Variants in ATRNL1 observed in about 807,000 individuals in gnomAD.
ATRNL1 encodes the protein attractin-like protein 1.
ATRNL1 carries 95 observed loss-of-function variants against 182.7 expected under a neutral mutation model. That is an observed-to-expected ratio of 0.52 (90% CI 0.44 to 0.62). The LOEUF is 0.62. Ranked by LOEUF, ATRNL1 falls within the 20% of genes least tolerant of loss-of-function variation. The pLI is 0.00. For synonymous variants in ATRNL1, 576 were observed against 568.3 expected, an observed-to-expected ratio of 1.01 and a Z score of -0.19; for missense variants, 1,471 against 1,679.5, an observed-to-expected ratio of 0.88 and a Z score of 2.17.
intron 1 of ATRNL1, 84 bp downstream of exon 1, chr10:115,094,127 GC>G (rs2084950153): frequency 4.9e-6 from 6 of 1,233,020 alleles, no homozygotes; most frequent in Non-Finnish European, 6.2e-6. Flanking sequence ...GGCCTCCCCC[GC>G]CCCCGTCGCT....
At chr10:115,526,159 C>T (rs960792671) in intron 25 of ATRNL1, among the ~76,000 whole-genome samples, 1 of 152,136 alleles carries the variant, frequency 6.6e-6, no homozygotes, top group Non-Finnish European at 1.5e-5. Context: ...TTCATATATT[C>T]CTATTCCATA....
chr10:115,826,202 A>T (rs1240171058), intron 27 of ATRNL1, among the ~76,000 whole-genome samples: 1 of 151,284 alleles, frequency 6.6e-6, no homozygotes, highest in Non-Finnish European at 1.5e-5. Context: ...ATACTATCCC[A>T]TTTTTTTTTC....
intron 26 of ATRNL1, among the ~76,000 whole-genome samples, chr10:115,676,232 G>A (rs949816577): frequency 3.3e-5 from 5 of 151,924 alleles, no homozygotes; most frequent in African/African-American, 1.2e-4. Context: ...ACTAAAGAAA[G>A]CAAGTTTCTC....
At chr10:115,623,804 C>CA (rs1255437500) in intron 26 of ATRNL1, among the ~76,000 whole-genome samples, 1 of 151,804 alleles carries the variant, frequency 6.6e-6, no homozygotes, top group African/African-American at 2.4e-5. Context: ...AAATAGTATG[C>CA]ATTTTCTTGA....
chr10:115,266,730 A>T, intron 11 of ATRNL1, 67 bp from the exon 12 acceptor site: 1 of 885,198 alleles, frequency 1.1e-6, no homozygotes, highest in South Asian at 1.8e-5. Flanking sequence ...GCTTATTTTT[A>T]TAACTAAATC....
At chr10:115,330,473 TG>T (rs1855154258) in intron 18 of ATRNL1, among the ~76,000 whole-genome samples, 2 of 152,102 alleles carry the variant, frequency 1.3e-5, no homozygotes, top group South Asian at 4.1e-4. Context: ...TAGTTCTGGT[TG>T]CAAGGGTTTT....
chr10:115,146,379 G>A, intron 5 of ATRNL1, among the ~76,000 whole-genome samples: 1 of 151,978 alleles, frequency 6.6e-6, no homozygotes, highest in East Asian at 1.9e-4. Context: ...TGGGGTATAT[G>A]TGAGTATTTG....
chr10:115,438,769 G>A (rs1554965169), intron 21 of ATRNL1, among the ~76,000 whole-genome samples: 1 of 151,902 alleles, frequency 6.6e-6, no homozygotes, highest in African/African-American at 2.4e-5. Context: ...AGACTAGGAT[G>A]AGAGACTGAT....
At chr10:115,388,272 T>G (rs1843775435) in intron 19 of ATRNL1, among the ~76,000 whole-genome samples, 2 of 152,324 alleles carry the variant, frequency 1.3e-5, no homozygotes, top group Non-Finnish European at 2.9e-5. Context: ...TCCTTACTCC[T>G]TATGTCTTCT....
intron 25 of ATRNL1, among the ~76,000 whole-genome samples, chr10:115,536,461 G>A (rs562815206): frequency 9.2e-5 from 14 of 152,190 alleles, no homozygotes; most frequent in South Asian, 2.1e-4. Context: ...TAAGCCCGTC[G>A]GAAATGCGCA....
Position 115,945,454 on chromosome 10 carries a change from T to C in ATRNL1, c.*675T>C, listed in dbSNP as rs1555125386. On this transcript the variant is annotated 3_prime_UTR_variant, in exon 29 of 29. Transcript: ENST00000355044. ...GTGTAGAGGACATTCCTGTCATCCA[T>C]GCCAACTACCTAACTCGTTATCAGA... 1 of 152,158 alleles carries C rather than the reference T, an allele frequency of 6.6e-6. No individual in the cohort carries two copies. The highest frequency in any genetic ancestry group is 6.5e-5 in the Admixed American group (1 of 15,278). 9.4% of individuals were successfully genotyped at this position (152,158 alleles called of 1,614,324 possible). A position where few individuals can be genotyped will look rare whatever the true frequency, so the allele number is the denominator to read the frequency against.
rs535698747 is a variant in ATRNL1 at position 115,336,469 on chromosome 10, C to T, written c.3175+2050C>T. Among the ~76,000 whole-genome samples the T allele has an allele frequency of 4.3e-4, 66 of 152,236 alleles. 1 individual carries two copies. The highest frequency in any genetic ancestry group is 1.3e-3 in the African/African-American group (55 of 41,546). On this transcript the variant is annotated intron_variant, in intron 19 of 28. Coordinates refer to ENST00000355044, the MANE Select transcript of ATRNL1 (RefSeq NM_207303.4). Reference sequence around the variant, plus strand: ...CAGTACTGAATTTTCCATGGCCATACATTTTATTGGAGAAAGTGCATGTGT... The same window carrying T: ...CAGTACTGAATTTTCCATGGCCATATATTTTATTGGAGAAAGTGCATGTGT...
chr10:115,352,864 T>C (rs1281412138), intron 19 of ATRNL1, among the ~76,000 whole-genome samples: 1 of 152,072 alleles, frequency 6.6e-6, no homozygotes, highest in East Asian at 1.9e-4. Flanking sequence ...TGTGGTGCCA[T>C]TGCACTCCAG....
intron 28 of ATRNL1, among the ~76,000 whole-genome samples, chr10:115,907,707 T>C (rs1197846523): frequency 7.2e-5 from 11 of 151,998 alleles, no homozygotes; most frequent in Admixed American, 7.2e-4. Flanking sequence ...AAGATACTTA[T>C]AGCAAATATT....
chr10:115,267,153 A>G (rs1851642262), intron 12 of ATRNL1, 148 bp downstream of exon 12: 1 of 569,386 alleles, frequency 1.8e-6, no homozygotes, highest in African/African-American at 1.9e-5. Flanking sequence ...GTTTGAACCT[A>G]GTGATTAATA....
intron 26 of ATRNL1, among the ~76,000 whole-genome samples, chr10:115,559,088 C>A (rs900071089): frequency 4.6e-5 from 7 of 152,008 alleles, no homozygotes; most frequent in Non-Finnish European, 1.0e-4. Flanking sequence ...TCATGACTGG[C>A]GAGATAATAT....
At chr10:115,196,553 A>C (rs111955181) in intron 8 of ATRNL1, among the ~76,000 whole-genome samples, 24 of 146,310 alleles carry the variant, frequency 1.6e-4, no homozygotes, top group African/African-American at 5.6e-4. Flanking sequence ...CTTGTAATGC[A>C]TGGACATGGT....
At chr10:115,358,708 A>T (rs915193992) in intron 19 of ATRNL1, among the ~76,000 whole-genome samples, 2 of 151,730 alleles carry the variant, frequency 1.3e-5, no homozygotes, top group Non-Finnish European at 1.5e-5. Context: ...TAAGTCATTA[A>T]GTGCTAGAAT....
At chr10:115,226,080 A>G (rs940806275) in intron 9 of ATRNL1, among the ~76,000 whole-genome samples, 5 of 151,830 alleles carry the variant, frequency 3.3e-5, no homozygotes, top group Admixed American at 1.3e-4. Flanking sequence ...ACAGGGAAAT[A>G]GACTAATGCA....
Sources: gnomAD v4.1 joint callset for allele counts (sites outside exome capture counted in the v4.1 genomes callset) on GRCh38, gnomAD v4.1.1 for gene constraint, MANE v1.5 for transcripts, NCBI Gene and HGNC (gene_info 2026-07-23, HGNC 2026-07-21) for gene names.